Variants in SGCG observed in about 807,000 individuals in gnomAD.
The protein encoded by SGCG is sarcoglycan gamma, also known as gamma-sarcoglycan.
Under a neutral mutation model 29.3 loss-of-function variants are expected in SGCG, and 26 were observed. That is an observed-to-expected ratio of 0.89 (90% CI 0.65 to 1.23). The LOEUF is 1.23. Among genes scored for constraint, SGCG ranks in the 50% most tolerant of loss-of-function variants. SGCG has a pLI of 0.00. For synonymous variants in SGCG, 145 were observed against 129.7 expected (o/e 1.12, Z -0.80); for missense variants, 353 against 356.0 (o/e 0.99, Z 0.07).
chr13:23,186,476 A>T (rs915459786), intron 1 of SGCG, among the ~76,000 whole-genome samples: 4 of 152,188 alleles, frequency 2.6e-5, no homozygotes, highest in Admixed American at 2.6e-4. Flanking sequence ...GCAGACTTCC[A>T]GATCCACAGA....
At chr13:23,242,014 A>G (rs1414270145) in intron 3 of SGCG, among the ~76,000 whole-genome samples, 1 of 152,254 alleles carries the variant, frequency 6.6e-6, no homozygotes, top group Non-Finnish European at 1.5e-5. Flanking sequence ...ATCAATAAAA[A>G]TTGATAAACC....
chr13:23,324,460 T>C lies in SGCG; in HGVS notation c.795T>C (p.Cys265=), dbSNP rs1883156997. ...GCTCACAGAGCCTCTACGAAATCTG[T>C]GTGTGTCCAGATGGGAAGCTGTACC... ...SGSSQSLYEI[C]VCPDGKLYLS... is the part of the protein sequence containing the mutation. Residue 265 remains cysteine (C), a synonymous_variant, in exon 8 of 8, where the codon TGT becomes TGC. Coordinates refer to ENST00000218867, the MANE Select transcript of SGCG (RefSeq NM_000231.3). The C allele has an allele frequency of 1.2e-6, 2 of 1,613,996 alleles. No homozygotes were observed. Among genetic ancestry groups the C allele is most frequent in the African/African-American group, 1.3e-5 (1 of 74,994 alleles).
At chr13:23,282,931 G>A (rs1881361508) in intron 5 of SGCG, among the ~76,000 whole-genome samples, 1 of 152,202 alleles carries the variant, frequency 6.6e-6, no homozygotes, top group South Asian at 2.1e-4. Flanking sequence ...GTGCTTTTGA[G>A]TGAGTTTCTT....
At chr13:23,276,323 A>G (rs1002689821) in intron 4 of SGCG, among the ~76,000 whole-genome samples, 1 of 151,830 alleles carries the variant, frequency 6.6e-6, no homozygotes, top group Non-Finnish European at 1.5e-5. Context: ...AATAAAATGG[A>G]GGTGGGATTT....
intron 1 of SGCG, among the ~76,000 whole-genome samples, chr13:23,185,607 G>GA (rs1160475570): frequency 4.6e-5 from 7 of 152,062 alleles, no homozygotes; most frequent in Admixed American, 1.3e-4. Flanking sequence ...TTGAAAAAAA[G>GA]AAAAAAAATC....
intron 5 of SGCG, among the ~76,000 whole-genome samples, chr13:23,284,641 T>TG (rs1881429932): frequency 6.6e-6 from 1 of 152,228 alleles, no homozygotes. Flanking sequence ...TCCAGTTTTG[T>TG]TCCCTTGCTG....
At chr13:23,235,685 C>A (rs1879281640) in intron 3 of SGCG, among the ~76,000 whole-genome samples, 1 of 152,200 alleles carries the variant, frequency 6.6e-6, no homozygotes, top group South Asian at 2.1e-4. Flanking sequence ...AATGGCATTA[C>A]CTCCCTGACG....
chr13:23,316,909 C>A (rs1452214547), intron 6 of SGCG, among the ~76,000 whole-genome samples: 1 of 152,144 alleles, frequency 6.6e-6, no homozygotes, highest in Non-Finnish European at 1.5e-5. Context: ...CCCAGACTAT[C>A]AAGATGAAAT....
intron 4 of SGCG, among the ~76,000 whole-genome samples, chr13:23,266,265 C>G (rs1167693771): frequency 2.9e-5 from 4 of 139,222 alleles, no homozygotes; most frequent in African/African-American, 7.8e-5. Flanking sequence ...GAGCAAGACT[C>G]TGTCTCAAAA....
At chr13:23,244,991 C>G (rs1593193919) in intron 3 of SGCG, 1 of 152,140 alleles carries the variant, frequency 6.6e-6, no homozygotes, top group Admixed American at 6.5e-5. Flanking sequence ...TGGAAGGGGA[C>G]AGAGGCCCCA....
intron 1 of SGCG, among the ~76,000 whole-genome samples, chr13:23,200,018 T>C (rs1877676696): frequency 6.6e-6 from 1 of 152,238 alleles, no homozygotes. Context: ...CTAATCACAC[T>C]AAACGTACTC....
intron 3 of SGCG, 61 bp downstream of exon 3, chr13:23,234,773 A>G: frequency 8.9e-7 from 1 of 1,126,030 alleles, no homozygotes; most frequent in East Asian, 2.3e-5. Context: ...GTTTAAGCAC[A>G]AAAATTCAGT....
the SGCG span, among the ~76,000 whole-genome samples, chr13:23,169,253 A>G: frequency 6.6e-6 from 1 of 151,828 alleles, no homozygotes; most frequent in Admixed American, 6.6e-5. Flanking sequence ...GGTTTGCATG[A>G]CTGATGGCAG....
At chr13:23,247,626 C>T (rs944351529) in intron 3 of SGCG, among the ~76,000 whole-genome samples, 13 of 151,792 alleles carry the variant, frequency 8.6e-5, no homozygotes, top group Non-Finnish European at 1.8e-4. Context: ...ATATTATATT[C>T]GTATATTATA....
intron 5 of SGCG, among the ~76,000 whole-genome samples, chr13:23,279,709 C>CCCTTCCTTCCTTCCTTCCTTCCTA (rs146797198): frequency 6.8e-6 from 1 of 148,032 alleles, no homozygotes; most frequent in Non-Finnish European, 1.5e-5. Context: ...TACCCTTTGT[C>CCCTTCCTTCCTTCCTTCCTTCCTA]CCTTCCTTCC....
At chr13:23,203,914 G>C (rs1405721950) in intron 2 of SGCG, 25 bp downstream of exon 2, 1 of 1,514,644 alleles carries the variant, frequency 6.6e-7, no homozygotes, top group East Asian at 2.3e-5. Context: ...TTTCTGGTAA[G>C]CATGTTCTTG....
At chr13:23,204,964 A>G (rs946692642) in intron 2 of SGCG, among the ~76,000 whole-genome samples, 5 of 152,036 alleles carry the variant, frequency 3.3e-5, no homozygotes, top group African/African-American at 1.2e-4. Context: ...ATGTTTTTAC[A>G]TATGCAAAGA....
intron 1 of SGCG, among the ~76,000 whole-genome samples, chr13:23,190,880 T>C (rs1415525105): frequency 6.6e-6 from 1 of 152,134 alleles, no homozygotes; most frequent in African/African-American, 2.4e-5. Flanking sequence ...CCCTGTAAAA[T>C]CCTCGTGTGT....
At chr13:23,319,225 G>C (rs948477306) in intron 6 of SGCG, among the ~76,000 whole-genome samples, 1 of 151,762 alleles carries the variant, frequency 6.6e-6, no homozygotes, top group Admixed American at 6.6e-5. Context: ...CTGAAGCCAG[G>C]AGGTTGTGGT....
Sources: gnomAD v4.1 joint callset for allele counts (sites outside exome capture counted in the v4.1 genomes callset) on GRCh38, gnomAD v4.1.1 for gene constraint, MANE v1.5 for transcripts, NCBI Gene and HGNC (gene_info 2026-07-23, HGNC 2026-07-21) for gene names.